ZNF385D: variants seen among roughly 807,000 people sequenced by gnomAD.
The protein encoded by ZNF385D is zinc finger protein 385D.
Under a neutral mutation model 35.8 loss-of-function variants are expected in ZNF385D, and 15 were observed. The observed-to-expected ratio is 0.42, with a 90% CI of 0.28 to 0.64. The LOEUF (loss-of-function observed/expected upper bound fraction) is 0.64, where lower values mean the gene tolerates loss of function less well. ZNF385D is among the 30% of genes least tolerant of loss of function. ZNF385D has a pLI of 0.23. For synonymous variants in ZNF385D, 212 were observed against 186.8 expected, an observed-to-expected ratio of 1.13 and a Z score of -1.10; for missense variants, 474 against 494.6, an observed-to-expected ratio of 0.96 and a Z score of 0.39.
chr3:22,330,929 G>T (rs758006325), intron 2 of ZNF385D, among the ~76,000 whole-genome samples: 1 of 152,128 alleles, frequency 6.6e-6, no homozygotes, highest in African/African-American at 2.4e-5. Flanking sequence ...CCCAACTTTT[G>T]ACTTGGCATG....
At chr3:22,044,036 C>T (rs1020449356) in intron 3 of ZNF385D, among the ~76,000 whole-genome samples, 3 of 150,874 alleles carry the variant, frequency 2.0e-5, no homozygotes, top group Non-Finnish European at 4.4e-5. Flanking sequence ...GGAAGTTTTG[C>T]TTTAAAGAGG....
intron 3 of ZNF385D, among the ~76,000 whole-genome samples, chr3:22,107,571 A>C (rs1702292470): frequency 6.6e-6 from 1 of 152,156 alleles, no homozygotes. Flanking sequence ...TTCTTTAGTG[A>C]CTACAAATTA....
intron 2 of ZNF385D, among the ~76,000 whole-genome samples, chr3:22,169,558 T>C (rs974425632): frequency 4.6e-5 from 7 of 152,178 alleles, no homozygotes; most frequent in African/African-American, 1.4e-4. Flanking sequence ...GATGGACACA[T>C]TCTACACATG....
intron 2 of ZNF385D, among the ~76,000 whole-genome samples, chr3:22,305,984 T>C (rs1331235328): frequency 5.3e-5 from 8 of 152,166 alleles, no homozygotes; most frequent in Non-Finnish European, 1.0e-4. Flanking sequence ...AAGGAAGGTT[T>C]TCCTATCACT....
chr3:21,436,114 G>A (rs763721152), intron 5 of ZNF385D, among the ~76,000 whole-genome samples: 34 of 152,144 alleles, frequency 2.2e-4, no homozygotes, highest in Non-Finnish European at 4.6e-4. Context: ...CCAGTCTTTA[G>A]AGAAAAGCTG....
intron 2 of ZNF385D, among the ~76,000 whole-genome samples, chr3:21,616,610 C>T (rs1352038213): frequency 1.3e-5 from 2 of 152,070 alleles, no homozygotes; most frequent in Non-Finnish European, 2.9e-5. Context: ...TTACATTTAA[C>T]TAGTTTTATA....
At chr3:21,637,863 T>C (rs769020685) in intron 2 of ZNF385D, among the ~76,000 whole-genome samples, 8 of 152,140 alleles carry the variant, frequency 5.3e-5, no homozygotes, top group Non-Finnish European at 1.2e-4. Context: ...AAGAAACTCC[T>C]GATTATTTCC....
At chr3:22,005,056 C>CAAAA (rs71044965) in intron 3 of ZNF385D, among the ~76,000 whole-genome samples, 10 of 57,370 alleles carry the variant, frequency 1.7e-4, no homozygotes, top group African/African-American at 4.2e-4. Flanking sequence ...CACTCAGCAG[C>CAAAA]AAAAAAAAAA....
chr3:21,821,210 C>A (rs908946620), intron 3 of ZNF385D, among the ~76,000 whole-genome samples: 12 of 151,750 alleles, frequency 7.9e-5, no homozygotes, highest in Admixed American at 6.6e-4. Context: ...ACAGAAAAGT[C>A]TCACTCATAA....
At chr3:21,519,832 C>T (rs901346876) in intron 3 of ZNF385D, among the ~76,000 whole-genome samples, 3 of 152,172 alleles carry the variant, frequency 2.0e-5, no homozygotes, top group African/African-American at 4.8e-5. Context: ...TAATACCTGG[C>T]TCCATGTGTG....
At chr3:21,534,904 G>C (rs912999529) in intron 3 of ZNF385D, among the ~76,000 whole-genome samples, 15 of 152,082 alleles carry the variant, frequency 9.9e-5, no homozygotes, top group Non-Finnish European at 4.4e-5. Flanking sequence ...GAAAGTCCAG[G>C]TGTTTAAAAT....
chr3:21,594,758 A>G (rs1448816155), intron 2 of ZNF385D, among the ~76,000 whole-genome samples: 1 of 152,098 alleles, frequency 6.6e-6, no homozygotes, highest in Non-Finnish European at 1.5e-5. Flanking sequence ...GTTTAATCCT[A>G]TGTTTAGTTT....
intron 3 of ZNF385D, among the ~76,000 whole-genome samples, chr3:21,549,202 A>T (rs142323600): frequency 2.0e-4 from 31 of 152,330 alleles, no homozygotes; most frequent in Non-Finnish European, 4.0e-4. Flanking sequence ...CTCCTTTCTT[A>T]GTCTCTTCCT....
intron 3 of ZNF385D, among the ~76,000 whole-genome samples, chr3:22,050,012 C>T (rs927028091): frequency 6.6e-6 from 1 of 152,176 alleles, no homozygotes; most frequent in African/African-American, 2.4e-5. Context: ...CTAGTATCAT[C>T]GTAATGTTTC....
rs533494076 is a variant in ZNF385D at position 22,123,306 on chromosome 3, A to G, written c.325+45511T>C. Among the ~76,000 whole-genome samples, 13 of 152,256 alleles carry G rather than the reference A, an allele frequency of 8.5e-5. No homozygotes were observed. In the East Asian group the frequency reaches 1.7e-3, roughly 20 times the overall value. On this transcript the variant is annotated intron_variant, in intron 3 of 5. Coordinates refer to the ZNF385D transcript ENST00000494108. Reference sequence around the variant, plus strand: ...CAGTTTTACACAAGTTATATTTGAGATATTTATTTATATAATTAGTTTTTA... The same window carrying G: ...CAGTTTTACACAAGTTATATTTGAGGTATTTATTTATATAATTAGTTTTTA...
intron 3 of ZNF385D, among the ~76,000 whole-genome samples, chr3:21,904,613 A>G (rs1398009919): frequency 1.3e-5 from 2 of 152,146 alleles, no homozygotes; most frequent in African/African-American, 2.4e-5. Flanking sequence ...AAGCTTTATG[A>G]TATTTCCAGC....
chr3:21,733,875 T>C (rs1316850851), intron 1 of ZNF385D, among the ~76,000 whole-genome samples: 1 of 152,190 alleles, frequency 6.6e-6, no homozygotes, highest in African/African-American at 2.4e-5. Flanking sequence ...ATCAGTTTTA[T>C]CATAGCCTAA....
At chr3:22,215,461 G>T (rs192835886) in intron 2 of ZNF385D, among the ~76,000 whole-genome samples, 1 of 151,854 alleles carries the variant, frequency 6.6e-6, no homozygotes, top group Non-Finnish European at 1.5e-5. Context: ...GGGGGCGGCC[G>T]TCTTTTATGG....
chr3:21,880,942 C>T (rs77920059), intron 3 of ZNF385D, among the ~76,000 whole-genome samples: 6,683 of 152,000 alleles, frequency 0.044, 356 homozygotes, highest in African/African-American at 0.12. Context: ...AAGCCTAATC[C>T]AGAGCAAAGC....
Sources: allele counts gnomAD v4.1 joint callset (sites outside exome capture counted in the v4.1 genomes callset), GRCh38; gene constraint gnomAD v4.1.1; transcripts MANE v1.5; gene names NCBI Gene and HGNC (gene_info 2026-07-23, HGNC 2026-07-21).